The following DSCAML1 variants were observed in gnomAD, a reference collection of about 807,000 sequenced individuals.
DSCAML1 encodes the protein cell adhesion molecule DSCAML1.
DSCAML1 carries 38 observed loss-of-function variants against 200.5 expected under a neutral mutation model. The ratio of observed to expected loss-of-function variants is 0.19; its 90% CI spans 0.15 to 0.25. DSCAML1 has a LOEUF of 0.25. DSCAML1 is among the 10% of genes least tolerant of loss of function. The pLI, the probability that DSCAML1 is intolerant of heterozygous loss-of-function variation, is 1.00. For synonymous variants in DSCAML1, 1,215 were observed against 1,165.0 expected (o/e 1.04, Z -0.87); for missense variants, 2,223 against 2,858.8 (o/e 0.78, Z 5.07).
chr11:117,435,706 C>T lies in DSCAML1; in HGVS notation c.4814G>A (p.Gly1605Glu). 1 of 1,613,102 alleles carries T rather than the reference C, an allele frequency of 6.2e-7. No individual in the cohort carries two copies. Among genetic ancestry groups the T allele is most frequent in the Non-Finnish European group, 8.5e-7 (1 of 1,179,176 alleles). Residue 1605 changes from glycine (G) to glutamate (E), a missense_variant, in exon 27 of 33, where the codon GGG (glycine) becomes GAG (glutamate). This residue lies in a region of DSCAML1 where 614 missense variants were observed against 739.1 expected (regional missense o/e 0.83). Coordinates refer to ENST00000651296, the MANE Select transcript of DSCAML1 (RefSeq NM_020693.4). ...GCGTACGATGAAGAGCAGTGCCACCCCCAGTGTGGCCAGGATGACAGGGCA... is the reference window on the plus strand; with the variant it reads ...GCGTACGATGAAGAGCAGTGCCACCTCCAGTGTGGCCAGGATGACAGGGCA... ...IGCPVILATL[G>E]VALLFIVRKK...
At chr11:117,742,634 G>C (rs139493816) in intron 3 of DSCAML1, among the ~76,000 whole-genome samples, 1 of 152,224 alleles carries the variant, frequency 6.6e-6, no homozygotes, top group Non-Finnish European at 1.5e-5. Flanking sequence ...GGAGAGCCGG[G>C]TCAGCATCCA....
chr11:117,587,252 A>AACC (rs1555187476), intron 3 of DSCAML1, among the ~76,000 whole-genome samples: 1 of 62,314 alleles, frequency 1.6e-5, no homozygotes, highest in East Asian at 3.7e-4. Flanking sequence ...GATTCTTTCC[A>AACC]ACCCCCCCCC....
intron 22 of DSCAML1, among the ~76,000 whole-genome samples, 166 bp downstream of exon 22, chr11:117,439,653 G>A (rs2048003060): frequency 6.6e-6 from 1 of 152,090 alleles, no homozygotes; most frequent in Non-Finnish European, 1.5e-5. Flanking sequence ...GGAGCCAGGA[G>A]GCCAGGCCTG....
chr11:117,619,079 C>T (rs764965365), intron 3 of DSCAML1, among the ~76,000 whole-genome samples: 12 of 152,202 alleles, frequency 7.9e-5, no homozygotes, highest in Non-Finnish European at 2.9e-5. Flanking sequence ...TCCCCAGCTC[C>T]ACTTTTGCCT....
At chr11:117,796,477 G>T (rs1312495331) in intron 1 of DSCAML1, among the ~76,000 whole-genome samples, 1 of 152,252 alleles carries the variant, frequency 6.6e-6, no homozygotes, top group Non-Finnish European at 1.5e-5. Context: ...CAGCTCTCGG[G>T]ACTCTCACTA....
intron 21 of DSCAML1, 124 bp downstream of exon 21, chr11:117,443,762 A>C (rs1056620019): frequency 1.3e-5 from 18 of 1,370,106 alleles, no homozygotes; most frequent in Non-Finnish European, 1.8e-5. Context: ...GCGGGTGGCC[A>C]GTTCCTCACA....
chr11:117,783,870 C>A (rs2055305563), intron 1 of DSCAML1, among the ~76,000 whole-genome samples: 1 of 152,188 alleles, frequency 6.6e-6, no homozygotes, highest in Admixed American at 6.5e-5. Context: ...CTCCTTCTCT[C>A]CTGGATGGAA....
Position 117,480,557 on chromosome 11 carries a change from G to C in DSCAML1, c.2671C>G (p.Pro891Ala), listed in dbSNP as rs1447296437. Residue 891 changes from proline to alanine, a missense_variant, in exon 14 of 33, where the codon CCA becomes GCA. Physicochemically the swap from Pro to Ala is conservative, Grantham distance 27. This residue lies in a region of DSCAML1 where 438 missense variants were observed against 629.7 expected (regional missense o/e 0.70). Coordinates refer to ENST00000651296, the MANE Select transcript of DSCAML1 (RefSeq NM_020693.4). This position sits in a 1 kb window ranked among gnomAD's most constrained non-coding sequence, Gnocchi z 4.1. ...TTCACCTCCCGGATCTCCAGCTCTG[G>C]GGGGTCGGGGGGCTCTAGGGTGCGG... ...QLTVQEPPDPPELEIREVKAR... is the reference protein window; with the variant it reads ...QLTVQEPPDPAELEIREVKAR... 2.6e-6 allele frequency: 4 copies of C among 1,563,828 alleles called. No individual in the cohort carries two copies. The South Asian group carries it at 3.5e-5, about 14-fold the overall frequency.
At chr11:117,704,944 G>C (rs1296135614) in intron 3 of DSCAML1, among the ~76,000 whole-genome samples, 1 of 152,146 alleles carries the variant, frequency 6.6e-6, no homozygotes, top group Non-Finnish European at 1.5e-5. Flanking sequence ...CATTAGGTGG[G>C]TGGCGAAGGC....
chr11:117,491,510 A>T lies in DSCAML1; in HGVS notation c.2360-9348T>A, dbSNP rs181293255. Among the ~76,000 whole-genome samples, 5 of 152,338 alleles carry T rather than the reference A, an allele frequency of 3.3e-5. No homozygotes were observed. In the East Asian group the frequency reaches 9.7e-4, roughly 29 times the overall value. On this transcript the variant is annotated intron_variant, in intron 11 of 32. Transcript: ENST00000651296. Reference sequence around the variant, plus strand: ...GCCAGGTGTGGTGGCTCACGCTTGTAATCCCAGCACTTTGGGAGGCCAAGG... The same window carrying T: ...GCCAGGTGTGGTGGCTCACGCTTGTTATCCCAGCACTTTGGGAGGCCAAGG...
At chr11:117,787,974 T>G (rs2055391515) in intron 1 of DSCAML1, among the ~76,000 whole-genome samples, 1 of 152,076 alleles carries the variant, frequency 6.6e-6, no homozygotes, top group Admixed American at 6.5e-5. Context: ...ACCAGTAGGG[T>G]GATCCTCCCA....
intron 3 of DSCAML1, among the ~76,000 whole-genome samples, chr11:117,658,013 C>CT (rs2052769125): frequency 6.6e-6 from 1 of 152,180 alleles, no homozygotes; most frequent in African/African-American, 2.4e-5. Flanking sequence ...GGCTTGGTCA[C>CT]TGGATGCCAG....
intron 3 of DSCAML1, among the ~76,000 whole-genome samples, chr11:117,559,604 G>A (rs570582878): frequency 5.3e-5 from 8 of 152,180 alleles, no homozygotes; most frequent in South Asian, 2.1e-4. Context: ...TTGGTGCCCC[G>A]CAATACGTGC....
rs1325089374 is a variant in DSCAML1 at position 117,444,014 on chromosome 11, G to C, written c.3734C>G (p.Pro1245Arg). The change falls in exon 21 of 33, where the codon CCA (proline) becomes CGA (arginine). Residue 1245 changes from proline to arginine, a missense_variant. This residue lies in a region of DSCAML1 where 614 missense variants were observed against 739.1 expected (regional missense o/e 0.83). Coordinates refer to ENST00000651296, the MANE Select transcript of DSCAML1 (RefSeq NM_020693.4). ...GGCGATCCGGTAGAAGAGCTGCTCT[G>C]GACTCGTCTCGTACTCGCTGGGAGC... ...QPAPSEYETS[P>R]EQLFYRIAHL... The C allele has an allele frequency of 5.0e-6, 8 of 1,613,378 alleles. No homozygotes were observed. The highest frequency in any genetic ancestry group is 1.3e-5 in the African/African-American group (1 of 74,914).
chr11:117,675,499 T>TTTTTTTTG (rs2053195064), intron 3 of DSCAML1, among the ~76,000 whole-genome samples: 1 of 123,032 alleles, frequency 8.1e-6, no homozygotes, highest in African/African-American at 3.8e-5. Flanking sequence ...TTTTTTTTTT[T>TTTTTTTTG]AGAGACAGGG....
intron 3 of DSCAML1, among the ~76,000 whole-genome samples, chr11:117,598,751 G>A (rs2051409281): frequency 2.6e-5 from 4 of 152,202 alleles, no homozygotes. Flanking sequence ...GCAAGGAGGG[G>A]CAGCGCCAAC....
Position 117,518,313 on chromosome 11 carries a change from G to A in DSCAML1, c.1510+153C>T. On this transcript the variant is annotated intron_variant, in intron 7 of 32. Transcript: ENST00000651296. This position sits in a 1 kb window ranked among gnomAD's most constrained non-coding sequence, Gnocchi z 6.3. ...GAATGGATGATGGCGCTTGAGGAGG[G>A]CAGGAAAAGGGGACGAGAGAGGGGA... is the stretch of plus-strand genomic sequence containing the variant. 9.9e-7 allele frequency: 1 copy of A among 1,011,018 alleles called. No homozygotes were observed. The highest frequency in any genetic ancestry group is 1.5e-5 in the South Asian group (1 of 68,396). 62.6% of individuals were successfully genotyped at this position (1,011,018 alleles called of 1,614,324 possible).
chr11:117,807,653 T>C (rs1187634031), intron 1 of DSCAML1, among the ~76,000 whole-genome samples: 1 of 152,190 alleles, frequency 6.6e-6, no homozygotes, highest in Non-Finnish European at 1.5e-5. Flanking sequence ...TCACAGTACC[T>C]GCCATGGCCA....
At chr11:117,679,916 C>G (rs896569294) in intron 3 of DSCAML1, among the ~76,000 whole-genome samples, 1 of 152,144 alleles carries the variant, frequency 6.6e-6, no homozygotes, top group Non-Finnish European at 1.5e-5. Flanking sequence ...ACACAGATGT[C>G]CAGGGAGCAG....
Sources: gnomAD v4.1 joint callset for allele counts (sites outside exome capture counted in the v4.1 genomes callset) on GRCh38, gnomAD v4.1.1 for gene constraint, gnomAD v4.1.1 regional missense constraint, Gnocchi (gnomAD v3.1) non-coding constraint, MANE v1.5 for transcripts, NCBI Gene and HGNC (gene_info 2026-07-23, HGNC 2026-07-21) for gene names.